The following MICU2 variants were observed in gnomAD, a reference collection of about 807,000 sequenced individuals.
The protein encoded by MICU2 is mitochondrial calcium uptake 2.
A neutral mutation model predicts 60.4 loss-of-function variants in MICU2; 64 were observed. The ratio of observed to expected loss-of-function variants is 1.06; its 90% confidence interval spans 0.87 to 1.31. The LOEUF is 1.31. MICU2 is among the 50% of genes most tolerant of loss of function. The probability of loss-of-function intolerance (pLI) is 0.00; values close to 1 mark genes in which losing one functional copy is unlikely to be tolerated. For synonymous variants in MICU2, 201 were observed against 175.0 expected, an observed-to-expected ratio of 1.15 and a Z score of -1.17; for missense variants, 569 against 531.0, an observed-to-expected ratio of 1.07 and a Z score of -0.70.
intron 2 of MICU2, among the ~76,000 whole-genome samples, chr13:21,564,711 T>G (rs1887933687): frequency 6.6e-6 from 1 of 152,164 alleles, no homozygotes; most frequent in African/African-American, 2.4e-5. Context: ...CAGGCCTTTG[T>G]TAAGGAGAAT....
At chr13:21,599,450 T>C (rs185849117) in intron 1 of MICU2, among the ~76,000 whole-genome samples, 1 of 152,338 alleles carries the variant, frequency 6.6e-6, no homozygotes, top group Non-Finnish European at 1.5e-5. Flanking sequence ...ATGGGAGTAA[T>C]ACTAAAAGCT....
rs1566171453 is a variant in MICU2 at position 21,592,008 on chromosome 13, A to G, written c.210+11931T>C. On this transcript the variant is annotated intron_variant, in intron 1 of 11. Transcript: ENST00000382374. Reference sequence around the variant, plus strand: ...GTTAGCAGATGACAAGAAATAACTAATATCAGAGAAGCGTTGAAGGAGATA... The same window carrying G: ...GTTAGCAGATGACAAGAAATAACTAGTATCAGAGAAGCGTTGAAGGAGATA... 2.0e-5 allele frequency among the ~76,000 whole-genome samples: 3 copies of G among 151,930 alleles called. No homozygotes were observed. The South Asian group carries it at 6.2e-4, about 32-fold the overall frequency.
In MICU2 at chr13:21,539,491, C is replaced by T. The variant is rs566704548; in HGVS notation, c.391-114G>A. On this transcript the variant is annotated intron_variant, in intron 3 of 11. Coordinates refer to ENST00000382374, the MANE Select transcript of MICU2 (RefSeq NM_152726.3). ...TTTCTTTTTGTATTTTTAGTAGACA[C>T]AGGGCTTCACTGTGTTAGCCAGGAT... 97 of 1,306,254 alleles carry T rather than the reference C, an allele frequency of 7.4e-5. No individual in the cohort carries two copies. The Admixed American group carries it at 9.7e-4, about 13-fold the overall frequency. 80.9% of individuals were successfully genotyped at this position (1,306,254 alleles called of 1,614,324 possible).
intron 1 of MICU2, among the ~76,000 whole-genome samples, chr13:21,600,113 TG>T (rs1272771128): frequency 2.0e-5 from 3 of 152,224 alleles, no homozygotes; most frequent in Admixed American, 6.5e-5. Context: ...CATGGACATA[TG>T]GGGGTCCATG....
In MICU2 at chr13:21,550,713, G is replaced by T. The variant is rs376211693; in HGVS notation, c.359-11025C>A. ...TGCCAATATTTTTGCATTTTCCTTA[G>T]TAAGAGTGACAGTTTCAGAGCCTCC... On this transcript the variant is annotated intron_variant, in intron 2 of 11. Coordinates refer to ENST00000382374, the MANE Select transcript of MICU2 (RefSeq NM_152726.3). Among the ~76,000 whole-genome samples, 141 of 152,262 alleles carry T rather than the reference G, an allele frequency of 9.3e-4. 4 individuals carry two copies. The South Asian group carries it at 0.018, about 19-fold the overall frequency.
At chr13:21,521,414 T>C (rs1432664882) in intron 5 of MICU2, 87 bp from the exon 6 acceptor site, 2 of 958,002 alleles carry the variant, frequency 2.1e-6, no homozygotes, top group African/African-American at 1.7e-5. Flanking sequence ...TGACATACAC[T>C]AGCAGAAACT....
At chr13:21,537,594 T>C (rs532631963) in intron 4 of MICU2, among the ~76,000 whole-genome samples, 1 of 151,828 alleles carries the variant, frequency 6.6e-6, no homozygotes, top group Non-Finnish European at 1.5e-5. Flanking sequence ...CTCAGCCTCC[T>C]GAGTAGCTGG....
chr13:21,570,017 A>G (rs1049329894), intron 1 of MICU2, among the ~76,000 whole-genome samples: 12 of 152,204 alleles, frequency 7.9e-5, no homozygotes, highest in African/African-American at 2.7e-4. Flanking sequence ...TATGAAAAGA[A>G]TAGGATTTAA....
chr13:21,556,393 A>G (rs1384285296), intron 2 of MICU2, among the ~76,000 whole-genome samples: 2 of 152,198 alleles, frequency 1.3e-5, no homozygotes, highest in Middle Eastern at 3.4e-3. Context: ...CTTCACCTCC[A>G]AATGTTGGAA....
intron 2 of MICU2, among the ~76,000 whole-genome samples, chr13:21,548,310 A>G (rs1887462773): frequency 6.6e-6 from 1 of 152,152 alleles, no homozygotes; most frequent in Admixed American, 6.6e-5. Context: ...TCTGCTCTAT[A>G]CTTTGTAATG....
intron 6 of MICU2, among the ~76,000 whole-genome samples, chr13:21,518,595 C>T (rs1301509998): frequency 6.6e-6 from 1 of 152,168 alleles, no homozygotes. Context: ...AAATAAAATC[C>T]TCCCAAGTCT....
At chr13:21,542,677 T>C (rs549958637) in intron 2 of MICU2, among the ~76,000 whole-genome samples, 2 of 152,290 alleles carry the variant, frequency 1.3e-5, no homozygotes, top group Non-Finnish European at 2.9e-5. Flanking sequence ...GGAGGCGGCA[T>C]AGATCTTGAA....
At chr13:21,583,881 TCTC>T (rs1888402282) in intron 1 of MICU2, among the ~76,000 whole-genome samples, 1 of 152,186 alleles carries the variant, frequency 6.6e-6, no homozygotes, top group South Asian at 2.1e-4. Flanking sequence ...TGTGATTTAA[TCTC>T]CTGACATTTA....
At chr13:21,582,675 ACT>A (rs2138059352) in intron 1 of MICU2, among the ~76,000 whole-genome samples, 2 of 152,184 alleles carry the variant, frequency 1.3e-5, no homozygotes, top group East Asian at 3.9e-4. Context: ...CATTCTCCAC[ACT>A]GACTCATTCC....
At chr13:21,564,757 T>C (rs1486041523) in intron 2 of MICU2, among the ~76,000 whole-genome samples, 3 of 152,078 alleles carry the variant, frequency 2.0e-5, no homozygotes, top group African/African-American at 7.2e-5. Context: ...TGGCTACTTT[T>C]CCCTCCCAAT....
At chr13:21,527,306 G>GA (rs1886883277) in intron 4 of MICU2, among the ~76,000 whole-genome samples, 1 of 152,098 alleles carries the variant, frequency 6.6e-6, no homozygotes, top group Non-Finnish European at 1.5e-5. Flanking sequence ...ACGGCAATGT[G>GA]AAAAAAATGG....
intron 2 of MICU2, among the ~76,000 whole-genome samples, chr13:21,554,570 A>G (rs1566158692): frequency 6.6e-6 from 1 of 152,202 alleles, no homozygotes; most frequent in South Asian, 2.1e-4. Context: ...AATGCCCACA[A>G]GAGAAAGCAG....
chr13:21,513,110 T>C (rs771376906), intron 7 of MICU2, among the ~76,000 whole-genome samples: 3 of 152,216 alleles, frequency 2.0e-5, no homozygotes, highest in African/African-American at 7.2e-5. Flanking sequence ...TTATTAGTTC[T>C]AGAAGCTTTG....
At chr13:21,591,548 C>G (rs917641424) in intron 1 of MICU2, among the ~76,000 whole-genome samples, 1 of 152,100 alleles carries the variant, frequency 6.6e-6, no homozygotes, top group African/African-American at 2.4e-5. Flanking sequence ...CTACAGAACT[C>G]TCTACCCCAA....
Sources: allele counts gnomAD v4.1 joint callset (sites outside exome capture counted in the v4.1 genomes callset), GRCh38; gene constraint gnomAD v4.1.1; transcripts MANE v1.5; gene names NCBI Gene and HGNC (gene_info 2026-07-23, HGNC 2026-07-21).